The following CCAR1 variants were observed in gnomAD, a reference collection of about 807,000 sequenced individuals.
CCAR1 encodes the protein cell division cycle and apoptosis regulator protein 1.
CCAR1 carries 78 observed loss-of-function variants against 163.8 expected under a neutral mutation model. That is an observed-to-expected ratio of 0.48 (90% CI 0.40 to 0.57). CCAR1 has a LOEUF of 0.57. Among genes scored for constraint, CCAR1 ranks in the 20% least tolerant of loss-of-function variants. CCAR1 has a pLI of 0.00. For missense variants in CCAR1, 1,019 were observed against 1,365.2 expected (o/e 0.75, Z 4.00); for synonymous variants, 443 against 460.7 (o/e 0.96, Z 0.49).
intron 15 of CCAR1, among the ~76,000 whole-genome samples, chr10:68,757,749 A>G (rs781444327): frequency 3.3e-5 from 5 of 151,770 alleles, no homozygotes; most frequent in South Asian, 2.1e-4. Context: ...TTAAAAGGCA[A>G]TTTTATAAAT....
At chr10:68,771,501 G>A in intron 18 of CCAR1, 56 bp downstream of exon 18, 1 of 1,413,024 alleles carries the variant, frequency 7.1e-7, no homozygotes, top group South Asian at 1.3e-5. Context: ...GGTTATAAAG[G>A]TTGATGTTGA....
At chr10:68,738,006 G>C (rs2056134487) in intron 4 of CCAR1, 117 bp downstream of exon 4, 1 of 685,000 alleles carries the variant, frequency 1.5e-6, no homozygotes, top group African/African-American at 1.9e-5. Context: ...CAAATTTTTT[G>C]GGAGGGGCTA....
chr10:68,732,222 C>T (rs1337159500), intron 2 of CCAR1, among the ~76,000 whole-genome samples: 1 of 151,902 alleles, frequency 6.6e-6, no homozygotes, highest in Non-Finnish European at 1.5e-5. Flanking sequence ...CAGAACATGC[C>T]GATCTTAATT....
chr10:68,778,475 T>A (rs916332125), intron 19 of CCAR1, among the ~76,000 whole-genome samples: 3 of 152,008 alleles, frequency 2.0e-5, no homozygotes, highest in African/African-American at 7.2e-5. Context: ...CTACTTTATT[T>A]AAAATTGCAA....
chr10:68,780,386 G>C (rs2056721318), intron 19 of CCAR1, among the ~76,000 whole-genome samples: 1 of 152,044 alleles, frequency 6.6e-6, no homozygotes, highest in Non-Finnish European at 1.5e-5. Flanking sequence ...ATAGAGATGT[G>C]GTCTCACTAT....
At chr10:68,730,874 A>G (rs927832639) in intron 2 of CCAR1, among the ~76,000 whole-genome samples, 3 of 151,732 alleles carry the variant, frequency 2.0e-5, no homozygotes, top group Non-Finnish European at 4.4e-5. Flanking sequence ...TATATTTTTC[A>G]TAGAAGCAGG....
At chr10:68,739,800 A>T (rs2056160031) in intron 4 of CCAR1, among the ~76,000 whole-genome samples, 1 of 152,226 alleles carries the variant, frequency 6.6e-6, no homozygotes, top group Non-Finnish European at 1.5e-5. Flanking sequence ...TTACAAAAAA[A>T]TAGTATTTTG....
At chr10:68,773,341 C>T (rs544692684) in intron 19 of CCAR1, among the ~76,000 whole-genome samples, 28 of 152,006 alleles carry the variant, frequency 1.8e-4, no homozygotes, top group African/African-American at 5.8e-4. Context: ...ACAAATTTCC[C>T]GGAACATGGT....
At position 68,769,940 on chromosome 10, in the gene CCAR1, C is replaced by CAA. The variant is rs10527624; in HGVS notation, c.2299-1245_2299-1244dup. Among the ~76,000 whole-genome samples, 589 of 69,782 alleles carry CAA rather than the reference C, an allele frequency of 8.4e-3. 6 individuals are homozygous for CAA. Among genetic ancestry groups the CAA allele is most frequent in the African/African-American group, 0.028 (546 of 19,572 alleles). The allele number at this position is 69,782 out of a possible 152,430, so 45.8% of individuals were successfully genotyped here. On this transcript the variant is annotated intron_variant, in intron 17 of 24. Transcript: ENST00000265872. The stretch of plus-strand genomic sequence containing the variant: ...TTGGTGACAGAGCAAGACTCTGTCT[C>CAA]AAAAAAAAAAAAAAAAAAAAAATTA...
At position 68,747,206 on chromosome 10, in the gene CCAR1, T is replaced by G; in HGVS notation, c.564T>G (p.Val188=). Residue 188 remains valine, a synonymous_variant, in exon 7 of 25, where the codon GTT becomes GTG. Transcript: ENST00000265872. ...CCCAAGTAGGTGACAGAGTATTGGTTGAAGCTACTTATAATCCTAATATGC... is the reference window on the plus strand; with the variant it reads ...CCCAAGTAGGTGACAGAGTATTGGTGGAAGCTACTTATAATCCTAATATGC... ...KTPQVGDRVL[V]EATYNPNMPF... 6.2e-7 allele frequency: 1 copy of G among 1,611,360 alleles called. No homozygotes were observed. Among genetic ancestry groups the G allele is most frequent in the Non-Finnish European group, 8.5e-7 (1 of 1,179,034 alleles).
At position 68,756,142 on chromosome 10, in the gene CCAR1, A is replaced by ATTT; in HGVS notation, c.1626-124_1626-122dup. 4.8e-6 allele frequency: 3 copies of ATTT among 625,196 alleles called. No individual in the cohort carries two copies. The highest frequency in any genetic ancestry group is 5.6e-6 in the Non-Finnish European group (2 of 354,892). 38.7% of individuals were successfully genotyped at this position (625,196 alleles called of 1,614,324 possible). On this transcript the variant is annotated intron_variant, in intron 13 of 24. Transcript: ENST00000265872. This position sits in a 1 kb window ranked among gnomAD's most constrained non-coding sequence, Gnocchi z 5.1. ...CAAAAGAGGAACTATGGCTTCTATA[A>ATTT]TTTTTTTTTCTTTAGACCAACCTCA... is the stretch of plus-strand genomic sequence containing the variant.
At chr10:68,732,080 C>A (rs1289189547) in intron 2 of CCAR1, among the ~76,000 whole-genome samples, 2 of 152,120 alleles carry the variant, frequency 1.3e-5, no homozygotes, top group African/African-American at 4.8e-5. Context: ...GCTGTGGCAA[C>A]TGTCAATACT....
intron 4 of CCAR1, among the ~76,000 whole-genome samples, chr10:68,739,816 A>G (rs2056160292): frequency 6.6e-6 from 1 of 152,192 alleles, no homozygotes; most frequent in African/African-American, 2.4e-5. Flanking sequence ...TTTTGATATG[A>G]TCTAATCTCT....
At chr10:68,784,276 C>T (rs1014752898) in intron 19 of CCAR1, among the ~76,000 whole-genome samples, 8 of 151,918 alleles carry the variant, frequency 5.3e-5, no homozygotes, top group African/African-American at 1.9e-4. Context: ...AGTGCAGTGC[C>T]GTGATCTCGG....
intron 4 of CCAR1, among the ~76,000 whole-genome samples, chr10:68,738,230 C>T (rs997217536): frequency 6.6e-6 from 1 of 151,826 alleles, no homozygotes; most frequent in East Asian, 1.9e-4. Flanking sequence ...GCCTGACCAA[C>T]ATGGAGAAAC....
intron 19 of CCAR1, 93 bp downstream of exon 19, chr10:68,773,192 T>G (rs376258437): frequency 1.5e-6 from 1 of 670,634 alleles, no homozygotes; most frequent in Non-Finnish European, 2.5e-6. Context: ...CTTTTAACAT[T>G]TTTTTCTTTA....
chr10:68,754,751 A>G lies in CCAR1; in HGVS notation c.1382A>G (p.Tyr461Cys). The part of the protein sequence containing the change: ...LMASPSMEDL[Y>C]HKSCALAEDP... Reference sequence around the variant, plus strand: ...GCTAGCCCTAGTATGGAAGATTTATATCATAAGTCATGTGCTCTTGCTGAG... The same window carrying G: ...GCTAGCCCTAGTATGGAAGATTTATGTCATAAGTCATGTGCTCTTGCTGAG... The change falls in exon 12 of 25, where the codon TAT becomes TGT. Residue 461 changes from tyrosine (Y) to cysteine (C), a missense_variant. By Grantham distance (194) the Tyr-to-Cys change is radical. Around this residue, in one of 4 missense-constraint regions of CCAR1, gnomAD observed 644 missense variants for 904.4 expected, o/e 0.71. Coordinates refer to ENST00000265872, the MANE Select transcript of CCAR1 (RefSeq NM_018237.4). 1.2e-6 allele frequency: 2 copies of G among 1,611,036 alleles called. No homozygotes were observed. The highest frequency in any genetic ancestry group is 1.7e-5 in the Admixed American group (1 of 59,972).
intron 16 of CCAR1, among the ~76,000 whole-genome samples, chr10:68,762,131 C>T (rs563163451): frequency 1.3e-4 from 20 of 151,746 alleles, no homozygotes; most frequent in African/African-American, 3.9e-4. Context: ...AGATCGAGAC[C>T]GTCCTGGCTA....
chr10:68,731,902 GTT>G (rs1450965159), intron 2 of CCAR1, among the ~76,000 whole-genome samples: 1 of 152,096 alleles, frequency 6.6e-6, no homozygotes, highest in Non-Finnish European at 1.5e-5. Flanking sequence ...AAATTGTCTT[GTT>G]TCTAACTCAT....
Sources: gnomAD v4.1 joint callset for allele counts (sites outside exome capture counted in the v4.1 genomes callset) on GRCh38, gnomAD v4.1.1 for gene constraint, gnomAD v4.1.1 regional missense constraint, Gnocchi (gnomAD v3.1) non-coding constraint, MANE v1.5 for transcripts, NCBI Gene and HGNC (gene_info 2026-07-23, HGNC 2026-07-21) for gene names.